The following DIP2C variants were observed in gnomAD, a reference collection of about 807,000 sequenced individuals.
DIP2C encodes the protein disco-interacting protein 2 homolog C.
In DIP2C, 33 loss-of-function variants were observed where a neutral mutation model predicts 192.4. That is an observed-to-expected ratio of 0.17 (90% CI 0.13 to 0.23). The LOEUF (loss-of-function observed/expected upper bound fraction) is 0.23. Among genes scored for constraint, DIP2C ranks in the 10% least tolerant of loss-of-function variants. The pLI, the probability that DIP2C is intolerant of heterozygous loss-of-function variation, is 1.00. For missense variants in DIP2C, 1,537 were observed against 2,110.1 expected, an observed-to-expected ratio of 0.73 and a Z score of 5.32; for synonymous variants, 979 against 864.1, an observed-to-expected ratio of 1.13 and a Z score of -2.33.
Position 413,945 on chromosome 10 carries a change from G to T in DIP2C, c.1025C>A (p.Thr342Asn), listed in dbSNP as rs1300279247. Residue 342 changes from threonine (T) to asparagine (N), a missense_variant, in exon 8 of 37, where the codon ACC (threonine) becomes AAC (asparagine). Transcript: ENST00000280886. ...PKAPCLTTMD[T>N]NGKPLYILTY... The stretch of plus-strand genomic sequence containing the variant: ...GAGGATGTAGAGGGGCTTCCCGTTG[G>T]TGTCCATGGTGGTCAGGCAGGGCGC... The T allele has an allele frequency of 1.2e-6, 2 of 1,614,076 alleles. No individual in the cohort carries two copies. The highest frequency in any genetic ancestry group is 1.7e-6 in the Non-Finnish European group (2 of 1,180,032).
intron 1 of DIP2C, among the ~76,000 whole-genome samples, chr10:623,366 G>A (rs985198209): frequency 7.3e-5 from 11 of 151,008 alleles, no homozygotes; most frequent in South Asian, 4.2e-4. Context: ...GGGAGGTCAC[G>A]GGAATGGGCA....
chr10:325,865 G>A (rs1957248005), intron 31 of DIP2C, among the ~76,000 whole-genome samples: 1 of 152,058 alleles, frequency 6.6e-6, no homozygotes, highest in African/African-American at 2.4e-5. Context: ...CAAGACAGAA[G>A]CAAGGAACAC....
chr10:545,358 G>C (rs992853842), intron 1 of DIP2C, among the ~76,000 whole-genome samples: 1 of 151,838 alleles, frequency 6.6e-6, no homozygotes, highest in African/African-American at 2.4e-5. Flanking sequence ...GTAGAGATGA[G>C]GTTTCACTGC....
intron 1 of DIP2C, among the ~76,000 whole-genome samples, chr10:600,888 ATAAT>A (rs1291568318): frequency 1.3e-5 from 2 of 148,170 alleles, no homozygotes; most frequent in African/African-American, 5.3e-5. Context: ...ACAAAGTTGG[ATAAT>A]TAAGTTGAAC....
chr10:316,712 T>C (rs1270172655), intron 31 of DIP2C, among the ~76,000 whole-genome samples: 1 of 152,202 alleles, frequency 6.6e-6, no homozygotes, highest in Non-Finnish European at 1.5e-5. Context: ...AGCCCCTGCC[T>C]TTTGCACACT....
intron 1 of DIP2C, among the ~76,000 whole-genome samples, chr10:569,167 A>G (rs1055012778): frequency 2.6e-5 from 4 of 152,216 alleles, no homozygotes; most frequent in Non-Finnish European, 5.9e-5. Flanking sequence ...AACAAAAGAA[A>G]AAGAATATGC....
At chr10:616,274 A>G (rs191918456) in intron 1 of DIP2C, among the ~76,000 whole-genome samples, 65 of 152,346 alleles carry the variant, frequency 4.3e-4, no homozygotes, top group Non-Finnish European at 7.5e-4. Context: ...GGTGGCAGTA[A>G]TAGCTCCTAT....
Position 281,285 on chromosome 10 carries a change from C to T in DIP2C, c.4333G>A (p.Glu1445Lys), listed in dbSNP as rs1387693449. The change falls in exon 36 of 37, where the codon GAA becomes AAA. Residue 1445 changes from glutamate to lysine, a missense_variant. Glu to Lys is a moderately conservative substitution (Grantham distance 56). This residue lies in a region of DIP2C where 341 missense variants were observed against 551.7 expected (regional missense o/e 0.62). Transcript: ENST00000280886. ...CGCATGCCCCGCAGCTCCATGGCTT[C>T]GTCCAGTGCCCCTACCACGTAGAGG... ...DALYVVGALD[E>K]AMELRGMRYH... 32 of 1,614,040 alleles carry T rather than the reference C, an allele frequency of 2.0e-5. No homozygotes were observed. Among genetic ancestry groups the T allele is most frequent in the Non-Finnish European group, 2.4e-5 (28 of 1,180,004 alleles).
intron 10 of DIP2C, among the ~76,000 whole-genome samples, chr10:397,173 G>T (rs1964054177): frequency 6.7e-6 from 1 of 150,250 alleles, no homozygotes; most frequent in Non-Finnish European, 1.5e-5. Context: ...TCTTTGCCTG[G>T]GCTACCTGTG....
chr10:515,440 G>A (rs1564810270), intron 1 of DIP2C, among the ~76,000 whole-genome samples: 1 of 152,124 alleles, frequency 6.6e-6, no homozygotes, highest in East Asian at 1.9e-4. Flanking sequence ...TGTCAGGATC[G>A]GGCCGGGTGC....
intron 5 of DIP2C, among the ~76,000 whole-genome samples, chr10:419,440 G>A (rs190686094): frequency 3.3e-5 from 5 of 152,308 alleles, no homozygotes; most frequent in African/African-American, 9.6e-5. Flanking sequence ...ATTTCCTAAC[G>A]GGAGCCATGT....
chr10:514,431 C>T lies in DIP2C; in HGVS notation c.86-27901G>A, dbSNP rs967766711. On this transcript the variant is annotated intron_variant, in intron 1 of 36. Coordinates refer to ENST00000280886, the MANE Select transcript of DIP2C (RefSeq NM_014974.3). ...GCTTCGTGCCGGGAACAGTTCCAGG[C>T]GTCTTCTTTGTCCGAGGAATTTACA... 5.9e-5 allele frequency among the ~76,000 whole-genome samples: 9 copies of T among 152,288 alleles called. No individual in the cohort carries two copies. The East Asian group carries it at 1.7e-3, about 29-fold the overall frequency.
chr10:424,080 T>C (rs550809822), intron 4 of DIP2C, among the ~76,000 whole-genome samples: 17 of 152,340 alleles, frequency 1.1e-4, no homozygotes, highest in Admixed American at 7.8e-4. Flanking sequence ...ATTTGTTATT[T>C]AAACTTCAAT....
intron 1 of DIP2C, among the ~76,000 whole-genome samples, chr10:617,663 AC>A (rs1364883668): frequency 1.4e-5 from 1 of 69,972 alleles, no homozygotes; most frequent in East Asian, 4.5e-4. Context: ...CCACCCCCCC[AC>A]CCCCACCCCT....
intron 1 of DIP2C, among the ~76,000 whole-genome samples, chr10:507,408 T>A (rs1408857947): frequency 1.3e-5 from 2 of 149,132 alleles, no homozygotes; most frequent in Non-Finnish European, 3.0e-5. Context: ...CTGTGCCCAA[T>A]CAGAAGCTTT....
Position 686,751 on chromosome 10 carries a change from T to G in DIP2C, c.85+2743A>C, listed in dbSNP as rs188338046. Reference sequence around the variant, plus strand: ...ACAGGGACAGGCAGTGGAAGAAGGATGGAGCCCTCGGCCCCGCAGCAGGAA... The same window carrying G: ...ACAGGGACAGGCAGTGGAAGAAGGAGGGAGCCCTCGGCCCCGCAGCAGGAA... On this transcript the variant is annotated intron_variant, in intron 1 of 36. Transcript: ENST00000280886. Among the ~76,000 whole-genome samples the G allele has an allele frequency of 4.4e-3, 663 of 152,354 alleles. 5 individuals are homozygous for G. The highest frequency in any genetic ancestry group is 0.015 in the African/African-American group (623 of 41,590).
chr10:524,648 G>C (rs558467188), intron 1 of DIP2C, among the ~76,000 whole-genome samples: 1 of 152,188 alleles, frequency 6.6e-6, no homozygotes, highest in South Asian at 2.1e-4. Context: ...CATTCTCTAA[G>C]TATTAGCGTT....
intron 1 of DIP2C, among the ~76,000 whole-genome samples, chr10:550,845 C>G (rs558616708): frequency 3.1e-4 from 47 of 152,350 alleles, no homozygotes; most frequent in Admixed American, 2.5e-3. Flanking sequence ...CCTCTGGGAC[C>G]CCAGGCCTGG....
At chr10:448,554 G>A (rs1453042597) in intron 3 of DIP2C, among the ~76,000 whole-genome samples, 1 of 136,540 alleles carries the variant, frequency 7.3e-6, no homozygotes, top group Non-Finnish European at 1.6e-5. Context: ...TGGGGCAGCA[G>A]GACCCGCTCA....
Sources: allele counts gnomAD v4.1 joint callset (sites outside exome capture counted in the v4.1 genomes callset), GRCh38; gene constraint gnomAD v4.1.1; regional missense constraint gnomAD v4.1.1; transcripts MANE v1.5; gene names NCBI Gene and HGNC (gene_info 2026-07-23, HGNC 2026-07-21).